Variants in SOX6 observed in about 807,000 individuals in gnomAD.
SOX6 encodes the protein SRY-box transcription factor 6.
In SOX6, 11 loss-of-function variants were observed where a neutral mutation model predicts 97.8. The observed-to-expected ratio is 0.11, with a 90% CI of 0.07 to 0.19. The LOEUF is 0.19. SOX6 is among the 10% of genes least tolerant of loss of function. The pLI, the probability that SOX6 is intolerant of heterozygous loss-of-function variation, is 1.00. For synonymous variants in SOX6, 360 were observed against 371.4 expected (o/e 0.97, Z 0.35); for missense variants, 810 against 1,039.5 (o/e 0.78, Z 3.04).
chr11:16,736,162 T>C (rs1484989153), intron 2 of SOX6, among the ~76,000 whole-genome samples: 1 of 152,190 alleles, frequency 6.6e-6, no homozygotes, highest in East Asian at 1.9e-4. Flanking sequence ...AACTACCGTG[T>C]GGCAGGCATT....
chr11:16,716,628 A>G lies in SOX6; in HGVS notation n.354-1723T>C, dbSNP rs906483831. Among the ~76,000 whole-genome samples, 4 of 152,212 alleles carry G rather than the reference A, an allele frequency of 2.6e-5. No homozygotes were observed. In the East Asian group the frequency reaches 7.7e-4, roughly 29 times the overall value. ...ACACATGCACATTTATATAAAAAAT[A>G]TACAAAAATGTTCATAGCAGCATCA... On this transcript the variant is annotated intron_variant and non_coding_transcript_variant, in intron 2 of 5. Transcript: ENST00000524520.
At chr11:16,443,613 GGTTTTCCACATGGGT>G (rs1859552460) in intron 1 of SOX6, among the ~76,000 whole-genome samples, 1 of 151,972 alleles carries the variant, frequency 6.6e-6, no homozygotes, top group Non-Finnish European at 1.5e-5. Flanking sequence ...TACATGTGCA[GGTTTTCCACATGGGT>G]AAATTGCATA....
chr11:16,436,102 T>C (rs1859370837), intron 1 of SOX6, among the ~76,000 whole-genome samples: 2 of 152,150 alleles, frequency 1.3e-5, no homozygotes, highest in Admixed American at 1.3e-4. Flanking sequence ...AATTTGATAC[T>C]CATATATCAA....
intron 3 of SOX6, among the ~76,000 whole-genome samples, chr11:16,697,723 A>C (rs1398152750): frequency 6.6e-6 from 1 of 152,218 alleles, no homozygotes; most frequent in Admixed American, 6.5e-5. Context: ...TGGAAGCTGA[A>C]ATTACTCCTT....
intron 4 of SOX6, among the ~76,000 whole-genome samples, chr11:16,502,780 AC>A (rs1335269165): frequency 2.0e-5 from 3 of 152,308 alleles, no homozygotes; most frequent in African/African-American, 7.2e-5. Context: ...AAGAAAACAA[AC>A]AGGATAGAAA....
intron 1 of SOX6, among the ~76,000 whole-genome samples, chr11:16,369,291 A>G (rs1001091239): frequency 2.0e-5 from 3 of 152,076 alleles, no homozygotes; most frequent in Non-Finnish European, 4.4e-5. Context: ...ATTCTCAATG[A>G]GTTCTTCTCT....
At chr11:16,346,418 TGGCATGG>T (rs1856778130) in intron 1 of SOX6, among the ~76,000 whole-genome samples, 1 of 152,040 alleles carries the variant, frequency 6.6e-6, no homozygotes, top group South Asian at 2.1e-4. Flanking sequence ...GAAGGGAGGA[TGGCATGG>T]TACATCCTAA....
At chr11:16,539,343 A>C (rs947935399) in intron 4 of SOX6, among the ~76,000 whole-genome samples, 5 of 152,224 alleles carry the variant, frequency 3.3e-5, no homozygotes, top group Non-Finnish European at 7.3e-5. Context: ...AATTTATAGC[A>C]CTAAATGCCC....
intron 1 of SOX6, among the ~76,000 whole-genome samples, chr11:16,382,683 C>T (rs1045904338): frequency 6.6e-6 from 1 of 151,856 alleles, no homozygotes; most frequent in Non-Finnish European, 1.5e-5. Flanking sequence ...ATATTTAATT[C>T]CTCACTTGAA....
intron 4 of SOX6, among the ~76,000 whole-genome samples, chr11:16,493,394 T>C (rs1479296593): frequency 6.6e-6 from 1 of 152,184 alleles, no homozygotes; most frequent in Non-Finnish European, 1.5e-5. Flanking sequence ...CAGTGTGTTG[T>C]ATAAGCATGC....
chr11:16,355,355 G>A lies in SOX6; in HGVS notation c.-5+739C>T, dbSNP rs142459996. Among the ~76,000 whole-genome samples the A allele has an allele frequency of 6.5e-3, 986 of 151,980 alleles. 9 individuals carry two copies. The highest frequency in any genetic ancestry group is 0.034 in the Middle Eastern group (10 of 294). On this transcript the variant is annotated intron_variant, in intron 1 of 15. Coordinates refer to ENST00000683767, the MANE Select transcript of SOX6 (RefSeq NM_001367873.1). ...CAGAAAAATTCAAAAGAAATGTATCGCAGAATAAAAAGGAGTAAATTGAAA... is the reference window on the plus strand; with the variant it reads ...CAGAAAAATTCAAAAGAAATGTATCACAGAATAAAAAGGAGTAAATTGAAA...
chr11:16,325,784 C>T (rs1856069716), intron 2 of SOX6, among the ~76,000 whole-genome samples: 1 of 152,116 alleles, frequency 6.6e-6, no homozygotes, highest in African/African-American at 2.4e-5. Context: ...AAGCCTAAGA[C>T]CTAATCACTT....
intron 3 of SOX6, among the ~76,000 whole-genome samples, chr11:16,288,924 A>G (rs572432201): frequency 6.6e-6 from 1 of 152,128 alleles, no homozygotes. Flanking sequence ...TTCACAAATT[A>G]AAATGAAAGC....
chr11:16,052,343 A>C (rs1183156757), intron 10 of SOX6, among the ~76,000 whole-genome samples: 1 of 152,108 alleles, frequency 6.6e-6, no homozygotes, highest in Non-Finnish European at 1.5e-5. Context: ...CCAGAATGTC[A>C]CAGACCCCCA....
chr11:16,659,938 CT>C (rs1847753304), intron 3 of SOX6, among the ~76,000 whole-genome samples: 1 of 151,952 alleles, frequency 6.6e-6, no homozygotes, highest in South Asian at 2.1e-4. Flanking sequence ...CTTTATTTTC[CT>C]TTTAATGTTC....
intron 1 of SOX6, among the ~76,000 whole-genome samples, chr11:16,368,098 C>T (rs1014483293): frequency 8.5e-5 from 13 of 152,210 alleles, no homozygotes; most frequent in Non-Finnish European, 7.4e-5. Context: ...TCTTACTTGT[C>T]TATTGGCCAC....
intron 1 of SOX6, among the ~76,000 whole-genome samples, chr11:16,349,674 G>GAGGAAGGAAGGAAGGAAGGA (rs1296857091): frequency 9.0e-5 from 6 of 66,964 alleles, no homozygotes; most frequent in Admixed American, 3.1e-4. Context: ...GGGAGGGAGG[G>GAGGAAGGAAGGAAGGAAGGA]AGGAAGGAAG....
At chr11:16,193,143 G>A (rs1851673946) in intron 4 of SOX6, among the ~76,000 whole-genome samples, 1 of 152,252 alleles carries the variant, frequency 6.6e-6, no homozygotes, top group Middle Eastern at 3.4e-3. Flanking sequence ...AGTTAAGAGA[G>A]GAAAAGAGAG....
chr11:16,397,295 A>T (rs1041860479), intron 1 of SOX6, among the ~76,000 whole-genome samples: 8 of 151,548 alleles, frequency 5.3e-5, no homozygotes, highest in Non-Finnish European at 8.9e-5. Flanking sequence ...CTGTCTACCA[A>T]TAGCATGTAT....
Sources: allele counts gnomAD v4.1 joint callset (sites outside exome capture counted in the v4.1 genomes callset), GRCh38; gene constraint gnomAD v4.1.1; transcripts MANE v1.5; gene names NCBI Gene and HGNC (gene_info 2026-07-23, HGNC 2026-07-21).